Variants in GEN1 observed in about 807,000 individuals in gnomAD.
The protein encoded by GEN1 is GEN1 structure-specific endonuclease.
Under a neutral mutation model 67.6 loss-of-function variants are expected in GEN1, and 64 were observed. The ratio of observed to expected loss-of-function variants is 0.95; its 90% CI spans 0.77 to 1.17. The LOEUF is 1.17. Among genes scored for constraint, GEN1 ranks in the 50% most tolerant of loss-of-function variants. The pLI, the probability that GEN1 is intolerant of heterozygous loss-of-function variation, is 0.00. For missense variants in GEN1, 1,058 were observed against 1,048.3 expected (o/e 1.01, Z -0.13); for synonymous variants, 371 against 359.4 (o/e 1.03, Z -0.37).
Position 17,781,041 on chromosome 2 carries a change from TA to T in GEN1, c.1833del (p.Lys611AsnfsTer33), listed in dbSNP as rs1672804756. ...CAAAGGAATACTTTTTCTCATGATT[TA>T]AAATCAGAAGTTGAATCAGAGCTAT... ...AIQRNTFSHD[L>X]KSEVESELSA... On this transcript the variant is annotated frameshift_variant, in exon 14 of 14. Coordinates refer to ENST00000381254, the MANE Select transcript of GEN1 (RefSeq NM_001130009.3). LOFTEE classifies it low-confidence loss of function (END_TRUNC). The T allele has an allele frequency of 2.5e-6, 4 of 1,613,926 alleles. No individual in the cohort carries two copies. Among genetic ancestry groups the T allele is most frequent in the Non-Finnish European group, 8.5e-7 (1 of 1,179,850 alleles).
intron 13 of GEN1, among the ~76,000 whole-genome samples, 174 bp from the exon 14 acceptor site, chr2:17,780,447 A>G (rs1572424101): frequency 1.3e-5 from 2 of 152,196 alleles, no homozygotes; most frequent in African/African-American, 4.8e-5. Context: ...AAACAACTCA[A>G]TTATAACATT....
At chr2:17,766,726 A>T (rs1327581823) in intron 5 of GEN1, 37 bp downstream of exon 5, 1 of 1,186,390 alleles carries the variant, frequency 8.4e-7, no homozygotes. Context: ...GCTATTCATA[A>T]AGTCTTTTTC....
rs1228943558 is a variant in GEN1, at chr2:17,774,521, TAA to T, written c.1202+123_1202+124del. On this transcript the variant is annotated intron_variant, in intron 11 of 13. Coordinates refer to ENST00000381254, the MANE Select transcript of GEN1 (RefSeq NM_001130009.3). ...GTGGAGGAAAGGCCTCCTGGAATAT[TAA>T]AAGCTTATTCAGGGCTTATAATCAG... The T allele has an allele frequency of 7.4e-6, 5 of 672,968 alleles. No individual in the cohort carries two copies. In the East Asian group the frequency reaches 1.6e-4, roughly 21 times the overall value. 41.7% of individuals were successfully genotyped at this position (672,968 alleles called of 1,614,324 possible). A position where few individuals can be genotyped will look rare whatever the true frequency, so the allele number is the denominator to read the frequency against.
intron 3 of GEN1, among the ~76,000 whole-genome samples, chr2:17,764,666 C>T (rs984932296): frequency 5.3e-5 from 8 of 152,076 alleles, no homozygotes; most frequent in African/African-American, 1.9e-4. Context: ...TAAAAAGAAA[C>T]ATAACCACAA....
chr2:17,760,371 A>G (rs1180336171), intron 2 of GEN1, among the ~76,000 whole-genome samples: 2 of 152,162 alleles, frequency 1.3e-5, no homozygotes, highest in Non-Finnish European at 2.9e-5. Flanking sequence ...GAGATTTGGG[A>G]GACATTTTCT....
Position 17,780,756 on chromosome 2 carries a change from C to T in GEN1, c.1544C>T (p.Pro515Leu). Reference sequence around the variant, plus strand: ...TTAAATTCGGGGATTTCCCCTGATCCTACATTACCACAGGAATCTATTTCT... The same window carrying T: ...TTAAATTCGGGGATTTCCCCTGATCTTACATTACCACAGGAATCTATTTCT... Reference protein sequence around the residue: ...SKLNSGISPDPTLPQESISAS... With the variant: ...SKLNSGISPDLTLPQESISAS... Residue 515 changes from proline (P) to leucine (L), a missense_variant, in exon 14 of 14, where the codon CCT becomes CTT. Transcript: ENST00000381254. 6.2e-7 allele frequency: 1 copy of T among 1,613,936 alleles called. No individual in the cohort carries two copies.
In GEN1 at chr2:17,778,454, G is replaced by A. The variant is rs77971195; in HGVS notation, c.1264+391G>A. Among the ~76,000 whole-genome samples the A allele has an allele frequency of 9.3e-3, 198 of 21,288 alleles. 40 individuals are homozygous for A. Among genetic ancestry groups the A allele is most frequent in the African/African-American group, 0.016 (127 of 7,832 alleles). The allele number at this position is 21,288 out of a possible 152,430, so 14.0% of individuals were successfully genotyped here. ...TGTATATACACACACATATATGTGT[G>A]TACATATATGTATATACACACACAG... On this transcript the variant is annotated intron_variant, in intron 12 of 13. Coordinates refer to ENST00000381254, the MANE Select transcript of GEN1 (RefSeq NM_001130009.3).
Position 17,781,348 on chromosome 2 carries a change from T to G in GEN1, c.2136T>G (p.Gly712=), listed in dbSNP as rs749292161. The G allele has an allele frequency of 8.1e-6, 13 of 1,613,742 alleles. No homozygotes were observed. In the East Asian group the frequency reaches 2.5e-4, roughly 30 times the overall value. ...SVKESCIANS[G]SDCTSHLSKD... The stretch of plus-strand genomic sequence containing the variant: ...AAGAATCTTGTATTGCTAACAGTGG[T>G]TCTGATTGTACATCACATCTTTCAA... The change falls in exon 14 of 14, where the codon GGT becomes GGG. Residue 712 remains glycine (G), a synonymous_variant. Transcript: ENST00000381254.
chr2:17,766,881 C>T (rs1195837382), intron 5 of GEN1, among the ~76,000 whole-genome samples, 192 bp downstream of exon 5: 1 of 152,174 alleles, frequency 6.6e-6, no homozygotes, highest in Non-Finnish European at 1.5e-5. Flanking sequence ...ACTTGTGACA[C>T]TTAATATTAT....
chr2:17,757,413 A>C (rs1325218653), intron 1 of GEN1, among the ~76,000 whole-genome samples: 1 of 152,078 alleles, frequency 6.6e-6, no homozygotes, highest in Non-Finnish European at 1.5e-5. Context: ...TAACCCTCAG[A>C]AGGAATACAG....
At position 17,782,447 on chromosome 2, in the gene GEN1, A is replaced by G. The variant is rs1419011507; in HGVS notation, c.*508A>G. On this transcript the variant is annotated 3_prime_UTR_variant, in exon 14 of 14. Coordinates refer to ENST00000381254, the MANE Select transcript of GEN1 (RefSeq NM_001130009.3). ...AAGGCCATGCAAGGTGTTCCATTAT[A>G]ACTCTTTTTCCTAAGAGTTATATTC... 1 of 152,304 alleles carries G rather than the reference A, an allele frequency of 6.6e-6. No homozygotes were observed. The highest frequency in any genetic ancestry group is 1.9e-4 in the East Asian group (1 of 5,176). 9.4% of individuals were successfully genotyped at this position (152,304 alleles called of 1,614,324 possible). A position where few individuals can be genotyped will look rare whatever the true frequency, so the allele number is the denominator to read the frequency against.
At chr2:17,757,132 A>C (rs925306223) in intron 1 of GEN1, among the ~76,000 whole-genome samples, 7 of 152,238 alleles carry the variant, frequency 4.6e-5, no homozygotes, top group African/African-American at 1.7e-4. Flanking sequence ...GAAATGAAAT[A>C]ATAAAAACTA....
chr2:17,765,292 G>T, intron 4 of GEN1: 1 of 494,012 alleles, frequency 2.0e-6, no homozygotes. Context: ...TGTTTCACAT[G>T]GTTTGATTCT....
chr2:17,762,357 A>C (rs542993257), intron 3 of GEN1, among the ~76,000 whole-genome samples: 39 of 150,472 alleles, frequency 2.6e-4, no homozygotes, highest in Admixed American at 1.1e-3. Context: ...GCCCGCCACC[A>C]CACCTGGCTA....
chr2:17,760,012 T>C lies in GEN1; in HGVS notation c.69T>C (p.Gly23=). ...VKQHIPLRNL[G]GKTIAVDLSL... Reference sequence around the variant, plus strand: ...AACACATCCCCTTGCGTAATCTTGGTGGGAAAACCATTGCAGTTGATCTGA... The same window carrying C: ...AACACATCCCCTTGCGTAATCTTGGCGGGAAAACCATTGCAGTTGATCTGA... Residue 23 remains glycine (G), a synonymous_variant, in exon 2 of 14, where the codon GGT becomes GGC. Coordinates refer to ENST00000381254, the MANE Select transcript of GEN1 (RefSeq NM_001130009.3). The C allele has an allele frequency of 1.2e-6, 2 of 1,614,148 alleles. No individual in the cohort carries two copies. The highest frequency in any genetic ancestry group is 1.1e-5 in the South Asian group (1 of 91,078).
intron 12 of GEN1, among the ~76,000 whole-genome samples, chr2:17,779,714 G>T (rs553903497): frequency 6.6e-6 from 1 of 152,034 alleles, no homozygotes; most frequent in East Asian, 1.9e-4. Context: ...TGATTCTTCT[G>T]CCTCAGCCTC....
At chr2:17,772,310 T>A (rs772686529) in intron 7 of GEN1, among the ~76,000 whole-genome samples, 5 of 152,100 alleles carry the variant, frequency 3.3e-5, no homozygotes, top group Non-Finnish European at 7.4e-5. Flanking sequence ...TTTATGCATG[T>A]AGCTTCCACC....
rs201488023 is a variant in GEN1 at position 17,774,307 on chromosome 2, T to G, written c.1108T>G (p.Tyr370Asp). The change falls in exon 11 of 14, where the codon TAT becomes GAT. Residue 370 changes from tyrosine (Y) to aspartate (D), a missense_variant. Physicochemically the swap from Tyr to Asp is radical, Grantham distance 160. Transcript: ENST00000381254. ...TGAAAAAATGGAGTGGCCCAATCAC[T>G]ATGCATGTGAGAAATTGCTGGTACT... ...TLEKMEWPNH[Y>D]ACEKLLVLLT... 37 of 1,593,722 alleles carry G rather than the reference T, an allele frequency of 2.3e-5. No individual in the cohort carries two copies. The Middle Eastern group carries it at 5.2e-4, about 22-fold the overall frequency.
intron 12 of GEN1, among the ~76,000 whole-genome samples, chr2:17,779,215 G>A (rs574556659): frequency 1.3e-5 from 2 of 152,296 alleles, no homozygotes; most frequent in South Asian, 2.1e-4. Flanking sequence ...GAGCCACTGC[G>A]CCCAGCCTGG....
Sources: allele counts gnomAD v4.1 joint callset (sites outside exome capture counted in the v4.1 genomes callset), GRCh38; gene constraint gnomAD v4.1.1; transcripts MANE v1.5; gene names NCBI Gene and HGNC (gene_info 2026-07-23, HGNC 2026-07-21).